UBE2O: variants seen among roughly 807,000 people sequenced by gnomAD.
The protein encoded by UBE2O is (E3-independent) E2 ubiquitin-conjugating enzyme.
UBE2O carries 15 observed loss-of-function variants against 125.8 expected under a neutral mutation model. The observed-to-expected ratio is 0.12, with a 90% CI of 0.08 to 0.18. The LOEUF (loss-of-function observed/expected upper bound fraction) is 0.18, where lower values mean the gene tolerates loss of function less well. Ranked by LOEUF, UBE2O falls within the 10% of genes least tolerant of loss-of-function variation. The probability of loss-of-function intolerance (pLI) is 1.00; values close to 1 mark genes in which losing one functional copy is unlikely to be tolerated. For missense variants in UBE2O, 1,280 were observed against 1,723.6 expected (o/e 0.74, Z 4.56); for synonymous variants, 708 against 703.2 (o/e 1.01, Z -0.11).
intron 15 of UBE2O, among the ~76,000 whole-genome samples, chr17:76,393,512 C>T (rs955533550): frequency 3.9e-5 from 6 of 151,962 alleles, no homozygotes; most frequent in African/African-American, 1.2e-4. Context: ...GGATTACAGG[C>T]GTGAGCCACC....
At chr17:76,441,416 G>A (rs1271160007) in intron 1 of UBE2O, among the ~76,000 whole-genome samples, 9 of 152,186 alleles carry the variant, frequency 5.9e-5, no homozygotes, top group Admixed American at 3.9e-4. Context: ...AAGCACTGGC[G>A]GATGATGAGT....
rs1185696219 is a variant in UBE2O at position 76,389,753 on chromosome 17, T to G, written c.*1190A>C. 1 of 152,144 alleles carries G rather than the reference T, an allele frequency of 6.6e-6. No homozygotes were observed. Among genetic ancestry groups the G allele is most frequent in the African/African-American group, 2.4e-5 (1 of 41,440 alleles). 9.4% of individuals were successfully genotyped at this position (152,144 alleles called of 1,614,324 possible). A position where few individuals can be genotyped will look rare whatever the true frequency, so the allele number is the denominator to read the frequency against. On this transcript the variant is annotated 3_prime_UTR_variant, in exon 18 of 18. Coordinates refer to ENST00000319380, the MANE Select transcript of UBE2O (RefSeq NM_022066.4). ...CTGGGCGGTCACAGCACAGCACAGG[T>G]GTGGAGCCCACTTAAGGCTGACAAG...
rs1212194659 is a variant in UBE2O at position 76,400,138 on chromosome 17, A to G, written c.1155+9T>C. 1.2e-6 allele frequency: 2 copies of G among 1,611,760 alleles called. No homozygotes were observed. Among genetic ancestry groups the G allele is most frequent in the South Asian group, 2.2e-5 (2 of 90,872 alleles). On this transcript the variant is annotated intron_variant, in intron 8 of 17. Coordinates refer to ENST00000319380, the MANE Select transcript of UBE2O (RefSeq NM_022066.4). The surrounding 1 kb of genome is among the most constrained non-coding windows in gnomAD (Gnocchi z 4.3). ...AAATGCCCACCAATCCCCAACCCCA[A>G]GGACATACCTTCTTGGCCATAGAGC...
chr17:76,402,722 C>A lies in UBE2O; in HGVS notation c.589-23G>T. 2 of 1,581,540 alleles carry A rather than the reference C, an allele frequency of 1.3e-6. No homozygotes were observed. The highest frequency in any genetic ancestry group is 1.7e-5 in the Admixed American group (1 of 59,968). ...GGGCTGCAGACCAAGGAGGCAGGGG[C>A]AGTGAGACACAGCAGACAACGTTCA... is the stretch of plus-strand genomic sequence containing the variant. On this transcript the variant is annotated intron_variant, in intron 3 of 17. Coordinates refer to ENST00000319380, the MANE Select transcript of UBE2O (RefSeq NM_022066.4). This position sits in a 1 kb window ranked among gnomAD's most constrained non-coding sequence, Gnocchi z 5.4.
intron 1 of UBE2O, among the ~76,000 whole-genome samples, chr17:76,434,304 A>G (rs2072950240): frequency 6.6e-6 from 1 of 152,138 alleles, no homozygotes; most frequent in African/African-American, 2.4e-5. Flanking sequence ...GGTGGCTGAA[A>G]ACTCCTTCTT....
intron 1 of UBE2O, among the ~76,000 whole-genome samples, chr17:76,444,414 G>A (rs556791201): frequency 6.6e-6 from 1 of 152,316 alleles, no homozygotes; most frequent in Admixed American, 6.5e-5. Context: ...AGCCGAGTGT[G>A]TAGTTCCAGC....
rs1309782391 is a variant in UBE2O, at chr17:76,404,444, G to A, written c.588+762C>T. On this transcript the variant is annotated intron_variant, in intron 3 of 17. Coordinates refer to ENST00000319380, the MANE Select transcript of UBE2O (RefSeq NM_022066.4). This position sits in a 1 kb window ranked among gnomAD's most constrained non-coding sequence, Gnocchi z 4.3. ...AAATTACTGAATGTATCACTGTTCA[G>A]GGCATGGAAGACAAAGAAAGGCTGG... 6.6e-6 allele frequency among the ~76,000 whole-genome samples: 1 copy of A among 152,230 alleles called. No individual in the cohort carries two copies. Among genetic ancestry groups the A allele is most frequent in the Non-Finnish European group, 1.5e-5 (1 of 68,046 alleles).
intron 1 of UBE2O, among the ~76,000 whole-genome samples, chr17:76,407,995 T>G (rs2072452853): frequency 6.6e-6 from 1 of 152,134 alleles, no homozygotes; most frequent in Non-Finnish European, 1.5e-5. Flanking sequence ...CACTGGGAAT[T>G]AGAACCCAAG....
intron 1 of UBE2O, among the ~76,000 whole-genome samples, chr17:76,417,900 A>C (rs2072643218): frequency 6.6e-6 from 1 of 152,184 alleles, no homozygotes; most frequent in South Asian, 2.1e-4. Context: ...AGTCTCCATG[A>C]TGGTGCTGTT....
At chr17:76,423,420 G>A (rs1177121129) in intron 1 of UBE2O, among the ~76,000 whole-genome samples, 9 of 151,332 alleles carry the variant, frequency 5.9e-5, no homozygotes, top group Admixed American at 5.9e-4. Flanking sequence ...AGGGCCCGGC[G>A]TGGTGGCTCA....
chr17:76,441,470 C>G (rs990432819), intron 1 of UBE2O, among the ~76,000 whole-genome samples: 3 of 152,160 alleles, frequency 2.0e-5, no homozygotes, highest in African/African-American at 7.2e-5. Context: ...CACCTTTGGA[C>G]AATTCCCGGT....
chr17:76,417,867 A>C (rs966594173), intron 1 of UBE2O, among the ~76,000 whole-genome samples: 2 of 152,218 alleles, frequency 1.3e-5, no homozygotes, highest in South Asian at 2.1e-4. Context: ...CTGCACCTGC[A>C]GAATTGGGCA....
chr17:76,392,719 G>A (rs900429845), intron 15 of UBE2O, among the ~76,000 whole-genome samples: 8 of 151,638 alleles, frequency 5.3e-5, no homozygotes, highest in African/African-American at 7.3e-5. Flanking sequence ...TTGGGAGGCC[G>A]AGACGGGTGG....
At chr17:76,401,190 G>A (rs1567835307) in intron 5 of UBE2O, 36 bp from the exon 6 acceptor site, 17 of 1,609,262 alleles carry the variant, frequency 1.1e-5, no homozygotes, top group Admixed American at 1.7e-5. Context: ...GTCCCCGTGA[G>A]CGGTGTCTCC....
At chr17:76,451,778 G>GTGTGAGATACA (rs35597500) in intron 1 of UBE2O, among the ~76,000 whole-genome samples, 1 of 105,388 alleles carries the variant, frequency 9.5e-6, no homozygotes, top group African/African-American at 3.9e-5. Flanking sequence ...AGATACAGGG[G>GTGTGAGATACA]GGTGTGTGTG....
chr17:76,440,179 T>G (rs1186014188), intron 1 of UBE2O, among the ~76,000 whole-genome samples: 1 of 152,178 alleles, frequency 6.6e-6, no homozygotes, highest in Non-Finnish European at 1.5e-5. Flanking sequence ...TATCTAAGTC[T>G]CTGAAGCAGT....
At chr17:76,446,470 A>C (rs1182914944) in intron 1 of UBE2O, among the ~76,000 whole-genome samples, 9 of 151,400 alleles carry the variant, frequency 5.9e-5, no homozygotes, top group Non-Finnish European at 1.0e-4. Context: ...AACAAAAAAA[A>C]AAACCAAACA....
At chr17:76,413,788 CCA>C (rs777320974) in intron 1 of UBE2O, among the ~76,000 whole-genome samples, 1 of 152,134 alleles carries the variant, frequency 6.6e-6, no homozygotes, top group Non-Finnish European at 1.5e-5. Flanking sequence ...AACCCAAGAC[CCA>C]CACAGTCACA....
intron 1 of UBE2O, among the ~76,000 whole-genome samples, chr17:76,443,929 G>A (rs193282444): frequency 6.6e-6 from 1 of 152,284 alleles, no homozygotes; most frequent in South Asian, 2.1e-4. Context: ...ACCGTTAAGA[G>A]GGCATGGTCG....
Sources: gnomAD v4.1 joint callset for allele counts (sites outside exome capture counted in the v4.1 genomes callset) on GRCh38, gnomAD v4.1.1 for gene constraint, Gnocchi (gnomAD v3.1) non-coding constraint, MANE v1.5 for transcripts, NCBI Gene and HGNC (gene_info 2026-07-23, HGNC 2026-07-21) for gene names.